PRKD2: variants seen among roughly 807,000 people sequenced by gnomAD.
PRKD2 encodes protein kinase D2.
PRKD2 carries 22 observed loss-of-function variants against 86.0 expected under a neutral mutation model. That is an observed-to-expected ratio of 0.26 (90% CI 0.18 to 0.37). The LOEUF (loss-of-function observed/expected upper bound fraction) is 0.37. Among genes scored for constraint, PRKD2 ranks in the 10% least tolerant of loss-of-function variants. The probability of loss-of-function intolerance (pLI) is 1.00; values close to 1 mark genes in which losing one functional copy is unlikely to be tolerated. For synonymous variants in PRKD2, 509 were observed against 510.9 expected (o/e 1.00, Z 0.05); for missense variants, 818 against 1,199.2 (o/e 0.68, Z 4.70).
chr19:46,687,006 T>C (rs1158147038), intron 14 of PRKD2, among the ~76,000 whole-genome samples: 1 of 151,236 alleles, frequency 6.6e-6, no homozygotes, highest in Non-Finnish European at 1.5e-5. Context: ...AAACTAAATA[T>C]AAAATAAAGA....
intron 3 of PRKD2, among the ~76,000 whole-genome samples, chr19:46,705,680 C>T (rs547528550): frequency 1.3e-5 from 2 of 151,788 alleles, no homozygotes. Flanking sequence ...CCAGCTACTC[C>T]GGAGGCTGAG....
At chr19:46,710,729 T>C (rs2122159713) in intron 3 of PRKD2, 178 bp downstream of exon 3, 1 of 665,258 alleles carries the variant, frequency 1.5e-6, no homozygotes, top group Admixed American at 3.5e-5. Flanking sequence ...GCCCCACCAC[T>C]CCTTCCCCAA....
At chr19:46,713,623 T>C (rs1427880700) in intron 2 of PRKD2, among the ~76,000 whole-genome samples, 1 of 151,478 alleles carries the variant, frequency 6.6e-6, no homozygotes, top group Non-Finnish European at 1.5e-5. Flanking sequence ...CCTTATTTTT[T>C]TTTTTCAGAG....
At chr19:46,710,219 G>A (rs994843559) in intron 3 of PRKD2, 1 of 151,130 alleles carries the variant, frequency 6.6e-6, no homozygotes, top group Non-Finnish European at 1.5e-5. Context: ...TTGAGCCAGG[G>A]TCTCGCTCTG....
intron 8 of PRKD2, 126 bp downstream of exon 8, chr19:46,697,607 C>A: frequency 1.2e-6 from 1 of 830,588 alleles, no homozygotes; most frequent in South Asian, 1.6e-5. Context: ...CCAGCACGGC[C>A]CAGCCCACTA....
chr19:46,711,582 G>A (rs1241785649), intron 2 of PRKD2, among the ~76,000 whole-genome samples: 1 of 151,898 alleles, frequency 6.6e-6, no homozygotes, highest in African/African-American at 2.4e-5. Flanking sequence ...TAGTAGAGAC[G>A]GAGTTTCACC....
At position 46,694,086 on chromosome 19, in the gene PRKD2, G is replaced by C; in HGVS notation, c.1365C>G (p.Phe455Leu). Residue 455 changes from phenylalanine (F) to leucine (L), a missense_variant, in exon 10 of 18, where the codon TTC becomes TTG. Transcript: ENST00000291281. ...EILTVESAQN[F>L]SLVPPGTNPH... ...GGTTGGTGCCCGGCGGCACAAGGCT[G>C]AAGTTCTGGGCGGACTCCACCGTGA... 1 of 1,614,202 alleles carries C rather than the reference G, an allele frequency of 6.2e-7. No homozygotes were observed. The highest frequency in any genetic ancestry group is 1.1e-5 in the South Asian group (1 of 91,088).
chr19:46,681,594 A>ACC (rs2053308232), intron 15 of PRKD2, 56 bp downstream of exon 15: 1 of 297,138 alleles, frequency 3.4e-6, no homozygotes, highest in African/African-American at 4.4e-5. Flanking sequence ...CCCCACCCCC[A>ACC]CCCCGGCCAT....
At chr19:46,709,098 T>TC (rs1306827723) in intron 3 of PRKD2, among the ~76,000 whole-genome samples, 1 of 149,460 alleles carries the variant, frequency 6.7e-6, no homozygotes, top group African/African-American at 2.5e-5. Context: ...TACCTCAGCC[T>TC]CCCAAGTAGC....
intron 1 of PRKD2, among the ~76,000 whole-genome samples, chr19:46,715,630 C>G (rs2053871120): frequency 1.3e-5 from 2 of 152,202 alleles, no homozygotes; most frequent in Non-Finnish European, 2.9e-5. Flanking sequence ...AGTGCCTGCC[C>G]CTCCACACAT....
rs1250621924 is a variant in PRKD2, at chr19:46,701,116, G to T, written c.890-4C>A. 2 of 1,614,012 alleles carry T rather than the reference G, an allele frequency of 1.2e-6. No homozygotes were observed. The highest frequency in any genetic ancestry group is 4.5e-5 in the East Asian group (2 of 44,870). On this transcript the variant is annotated splice_polypyrimidine_tract_variant and splice_region_variant and intron_variant, in intron 5 of 17. Transcript: ENST00000291281. ...TTGTGACAGTTAAACTTGCAGTCTG[G>T]TAGGACAGGGAACAAGGGAACGGGT...
At chr19:46,696,293 GT>G (rs1034198017) in intron 9 of PRKD2, among the ~76,000 whole-genome samples, 3 of 152,228 alleles carry the variant, frequency 2.0e-5, no homozygotes, top group Admixed American at 1.3e-4. Flanking sequence ...GGGTTTGACG[GT>G]TTTAATGAAG....
rs200913106 is a variant in PRKD2, at chr19:46,704,120, G to A, written c.889+49C>T. 270 of 1,608,206 alleles carry A rather than the reference G, an allele frequency of 1.7e-4. 1 individual carries two copies. Among genetic ancestry groups the A allele is most frequent in the Middle Eastern group, 1.5e-3 (7 of 4,690 alleles). ...TCCTGCCACAAGACCAGGTTGGGGC[G>A]GGAAGGAGGTTCTGACCCTGTCTGT... On this transcript the variant is annotated intron_variant, in intron 5 of 17. Coordinates refer to ENST00000291281, the MANE Select transcript of PRKD2 (RefSeq NM_016457.5).
At position 46,678,553 on chromosome 19, in the gene PRKD2, G is replaced by C. The variant is rs1264656984; in HGVS notation, c.2181C>G (p.Gly727=). 2 of 1,614,166 alleles carry C rather than the reference G, an allele frequency of 1.2e-6. No individual in the cohort carries two copies. Among genetic ancestry groups the C allele is most frequent in the South Asian group, 1.1e-5 (1 of 91,084 alleles). ...ACCACATGTCCAGCGAGCGGTTGTAGCCCTGGTTGAGCAGCACCTCGGGTG... is the reference window on the plus strand; with the variant it reads ...ACCACATGTCCAGCGAGCGGTTGTACCCCTGGTTGAGCAGCACCTCGGGTG... The part of the protein sequence containing the change: ...YLAPEVLLNQ[G]YNRSLDMWSV... Residue 727 remains glycine, a synonymous_variant, in exon 16 of 18, where the codon GGC becomes GGG. Transcript: ENST00000291281. The surrounding 1 kb of genome is among the most constrained non-coding windows in gnomAD (Gnocchi z 5.7).
At chr19:46,676,911 A>G (rs1486236704) in intron 16 of PRKD2, among the ~76,000 whole-genome samples, 4 of 151,798 alleles carry the variant, frequency 2.6e-5, no homozygotes, top group African/African-American at 9.7e-5. Flanking sequence ...AATATAAAAC[A>G]TGAGCCAGGC....
At chr19:46,703,958 A>AACAACACACACACACACAC (rs1555830816) in intron 5 of PRKD2, among the ~76,000 whole-genome samples, 53 of 133,740 alleles carry the variant, frequency 4.0e-4, no homozygotes, top group Admixed American at 1.4e-3. Flanking sequence ...AAACAACAAC[A>AACAACACACACACACACAC]ACACACACAC....
At chr19:46,689,398 G>A in intron 14 of PRKD2, 139 bp downstream of exon 14, 3 of 1,061,266 alleles carry the variant, frequency 2.8e-6, no homozygotes, top group African/African-American at 1.6e-5. Context: ...GTGAGCCACT[G>A]CGCCCAGCCT....
At chr19:46,688,095 GC>G (rs2053426682) in intron 14 of PRKD2, among the ~76,000 whole-genome samples, 1 of 151,720 alleles carries the variant, frequency 6.6e-6, no homozygotes, top group African/African-American at 2.4e-5. Flanking sequence ...TCACTATGTC[GC>G]CTAGGCTGGT....
At chr19:46,710,850 T>C (rs2053796008) in intron 3 of PRKD2, 57 bp downstream of exon 3, 1 of 1,498,630 alleles carries the variant, frequency 6.7e-7, no homozygotes, top group Non-Finnish European at 9.0e-7. Flanking sequence ...ACCATTACGC[T>C]CCGCCCCCGG....
Sources: allele counts gnomAD v4.1 joint callset (sites outside exome capture counted in the v4.1 genomes callset), GRCh38; gene constraint gnomAD v4.1.1; non-coding constraint Gnocchi (gnomAD v3.1); transcripts MANE v1.5; gene names NCBI Gene and HGNC (gene_info 2026-07-23, HGNC 2026-07-21).